Variants in CCDC18 observed in about 807,000 individuals in gnomAD.
CCDC18 encodes the protein coiled-coil domain containing 18, also known as coiled-coil domain-containing protein 18.
A neutral mutation model predicts 196.0 loss-of-function variants in CCDC18; 157 were observed. The ratio of observed to expected loss-of-function variants is 0.80; its 90% CI spans 0.70 to 0.91. The LOEUF is 0.91. Among genes scored for constraint, CCDC18 ranks in the 40% least tolerant of loss-of-function variants. The probability of loss-of-function intolerance (pLI) is 0.00; values close to 1 mark genes in which losing one functional copy is unlikely to be tolerated. For synonymous variants in CCDC18, 482 were observed against 529.2 expected (o/e 0.91, Z 1.22); for missense variants, 1,465 against 1,611.6 (o/e 0.91, Z 1.56).
chr1:93,264,964 C>A (rs893981831), intron 27 of CCDC18, 63 bp downstream of exon 27: 3 of 1,181,300 alleles, frequency 2.5e-6, no homozygotes, highest in Non-Finnish European at 3.8e-6. Flanking sequence ...GACTTATTTA[C>A]CTGTCTTAGT....
At chr1:93,200,646 C>T (rs1653667959) in intron 6 of CCDC18, among the ~76,000 whole-genome samples, 1 of 152,152 alleles carries the variant, frequency 6.6e-6, no homozygotes, top group Non-Finnish European at 1.5e-5. Flanking sequence ...CACATAAGGA[C>T]CTCAACTTTA....
At chr1:93,275,822 T>C (rs1665591435) in intron 28 of CCDC18, among the ~76,000 whole-genome samples, 1 of 152,262 alleles carries the variant, frequency 6.6e-6, no homozygotes, top group Non-Finnish European at 1.5e-5. Flanking sequence ...GAATTTTTAG[T>C]AACTGTCTTT....
At position 93,221,682 on chromosome 1, in the gene CCDC18, A is replaced by G; in HGVS notation, c.2036A>G (p.Asp679Gly). 6.3e-7 allele frequency: 1 copy of G among 1,595,706 alleles called. No homozygotes were observed. The highest frequency in any genetic ancestry group is 8.5e-7 in the Non-Finnish European group (1 of 1,174,640). Reference protein sequence around the residue: ...QEKTMSMLQQDIICKQHHLES... With the variant: ...QEKTMSMLQQGIICKQHHLES... Reference sequence around the variant, plus strand: ...AAGACTATGTCCATGTTGCAACAAGATATAATATGCAAACAACATCATCTT... The same window carrying G: ...AAGACTATGTCCATGTTGCAACAAGGTATAATATGCAAACAACATCATCTT... The change falls in exon 15 of 29, where the codon GAT (aspartate) becomes GGT (glycine). Residue 679 changes from aspartate to glycine, a missense_variant. Asp to Gly is a moderately conservative substitution (Grantham distance 94, BLOSUM62 -1). Transcript: ENST00000690025.
At chr1:93,190,754 C>A in intron 4 of CCDC18, 1 of 589,034 alleles carries the variant, frequency 1.7e-6, no homozygotes, top group South Asian at 1.8e-5. Context: ...AACTGGGTCA[C>A]TTGGCTCTTT....
intron 3 of CCDC18, 32 bp from the exon 4 acceptor site, chr1:93,186,313 G>T (rs1224898805): frequency 6.3e-7 from 1 of 1,580,952 alleles, no homozygotes; most frequent in Non-Finnish European, 8.6e-7. Flanking sequence ...TGAAATAATT[G>T]AAAATATATT....
At position 93,180,746 on chromosome 1, in the gene CCDC18, G is replaced by A; in HGVS notation, c.-109G>A. The A allele has an allele frequency of 1.5e-6, 2 of 1,367,002 alleles. No homozygotes were observed. Among genetic ancestry groups the A allele is most frequent in the Non-Finnish European group, 2.0e-6 (2 of 1,021,616 alleles). 84.7% of individuals were successfully genotyped at this position (1,367,002 alleles called of 1,614,324 possible). ...GGCGGTTCGAATTCTGTGCTGCCGG[G>A]GTTCGCTGGTTCTCCGAGTTGTGTC... On this transcript the variant is annotated 5_prime_UTR_variant, in exon 1 of 29. Transcript: ENST00000690025.
intron 28 of CCDC18, among the ~76,000 whole-genome samples, chr1:93,276,065 G>T (rs1358190151): frequency 2.6e-5 from 4 of 152,202 alleles, no homozygotes; most frequent in Admixed American, 2.6e-4. Context: ...GGGCCAGGAG[G>T]CGCCATTGTT....
At chr1:93,265,041 G>A (rs1664313648) in intron 27 of CCDC18, 140 bp downstream of exon 27, 1 of 594,994 alleles carries the variant, frequency 1.7e-6, no homozygotes, top group Non-Finnish European at 3.0e-6. Context: ...TTTAGAAGAT[G>A]TTGAATTTAG....
At chr1:93,223,275 T>TG (rs1169636070) in intron 16 of CCDC18, among the ~76,000 whole-genome samples, 2 of 152,216 alleles carry the variant, frequency 1.3e-5, no homozygotes, top group African/African-American at 4.8e-5. Flanking sequence ...TGATGTTGGA[T>TG]TTTATTCCTT....
rs1217419068 is a variant in CCDC18, at chr1:93,210,845, A to G, written c.1253A>G (p.Tyr418Cys). Reference protein sequence around the residue: ...LFGFKSYLSKYQMSSFSNKED... With the variant: ...LFGFKSYLSKCQMSSFSNKED... ...GGCTTTAAATCATATCTTTCTAAATACCAGATGAGTAGCTTCTCAAACAAG... is the reference window on the plus strand; with the variant it reads ...GGCTTTAAATCATATCTTTCTAAATGCCAGATGAGTAGCTTCTCAAACAAG... Residue 418 changes from tyrosine to cysteine, a missense_variant, in exon 10 of 29, where the codon TAC becomes TGC. By Grantham distance (194) the Tyr-to-Cys change is radical. Transcript: ENST00000690025. 1 of 1,608,672 alleles carries G rather than the reference A, an allele frequency of 6.2e-7. No individual in the cohort carries two copies. The highest frequency in any genetic ancestry group is 1.3e-5 in the African/African-American group (1 of 74,872).
At chr1:93,181,159 T>TAAAA (rs71094239) in intron 1 of CCDC18, among the ~76,000 whole-genome samples, 13 of 89,868 alleles carry the variant, frequency 1.4e-4, no homozygotes, top group South Asian at 5.5e-4. Context: ...TCTATAAAAT[T>TAAAA]AAAAAAAAAA....
chr1:93,202,920 G>A (rs899865374), intron 7 of CCDC18, among the ~76,000 whole-genome samples: 6 of 152,148 alleles, frequency 3.9e-5, no homozygotes, highest in Admixed American at 6.5e-5. Context: ...AAACTCTGGT[G>A]GGCCCAAAGA....
chr1:93,194,085 T>G (rs560365416), intron 6 of CCDC18, among the ~76,000 whole-genome samples: 1 of 152,258 alleles, frequency 6.6e-6, no homozygotes, highest in South Asian at 2.1e-4. Flanking sequence ...AAATTAATAT[T>G]ACCTCTAATA....
At chr1:93,204,136 A>G (rs1217456850) in intron 7 of CCDC18, among the ~76,000 whole-genome samples, 2 of 152,138 alleles carry the variant, frequency 1.3e-5, no homozygotes, top group East Asian at 1.9e-4. Context: ...TCCTGAACAT[A>G]TTAGTAGGGG....
intron 17 of CCDC18, among the ~76,000 whole-genome samples, chr1:93,230,440 C>T (rs1266330249): frequency 6.0e-5 from 9 of 150,392 alleles, no homozygotes; most frequent in African/African-American, 2.0e-4. Flanking sequence ...TGCAGTGAGC[C>T]GAGATCGCAT....
Position 93,226,454 on chromosome 1 carries a change from A to C in CCDC18, c.2292+5A>C. On this transcript the variant is annotated splice_donor_5th_base_variant and intron_variant, in intron 17 of 28. Transcript: ENST00000690025. ...TTAAAGAAGAAATCTGAAGAGGTAA[A>C]TTAACATTTACTTTATATATAGCAT... The C allele has an allele frequency of 7.7e-7, 1 of 1,294,112 alleles. No homozygotes were observed. Among genetic ancestry groups the C allele is most frequent in the South Asian group, 1.2e-5 (1 of 82,730 alleles). 80.2% of individuals were successfully genotyped at this position (1,294,112 alleles called of 1,614,324 possible).
intron 6 of CCDC18, chr1:93,199,753 G>C (rs1400258936): frequency 1.3e-5 from 2 of 152,326 alleles, no homozygotes; most frequent in African/African-American, 4.8e-5. Context: ...ACCCACAGTG[G>C]GTAGCTCCTC....
chr1:93,223,942 T>C (rs1195711623), intron 16 of CCDC18, among the ~76,000 whole-genome samples: 2 of 145,954 alleles, frequency 1.4e-5, no homozygotes, highest in African/African-American at 5.2e-5. Flanking sequence ...CACACACACA[T>C]TTGCAAGTGG....
At position 93,254,506 on chromosome 1, in the gene CCDC18, A is replaced by C. The variant is rs1662680674; in HGVS notation, c.3234A>C (p.Lys1078Asn). ...TGAATGACAAATTACAAAATGCTAAAGAACAGCTTCGAGAAAAAGAGTTTA... is the reference window on the plus strand; with the variant it reads ...TGAATGACAAATTACAAAATGCTAACGAACAGCTTCGAGAAAAAGAGTTTA... ...ESLNDKLQNA[K>N]EQLREKEFIM... Residue 1078 changes from lysine (K) to asparagine (N), a missense_variant, in exon 24 of 29, where the codon AAA (lysine) becomes AAC (asparagine). Transcript: ENST00000690025. 10 of 1,598,514 alleles carry C rather than the reference A, an allele frequency of 6.3e-6. No homozygotes were observed. Among genetic ancestry groups the C allele is most frequent in the Non-Finnish European group, 6.8e-6 (8 of 1,170,954 alleles).
Sources: gnomAD v4.1 joint callset for allele counts (sites outside exome capture counted in the v4.1 genomes callset) on GRCh38, gnomAD v4.1.1 for gene constraint, MANE v1.5 for transcripts, NCBI Gene and HGNC (gene_info 2026-07-23, HGNC 2026-07-21) for gene names.